The following SNUPN variants were observed in gnomAD, a reference collection of about 807,000 sequenced individuals.
SNUPN encodes snurportin-1.
In SNUPN, 31 loss-of-function variants were observed where a neutral mutation model predicts 39.2. The ratio of observed to expected loss-of-function variants is 0.79; its 90% CI spans 0.59 to 1.07. SNUPN has a LOEUF of 1.07. Ranked by LOEUF, SNUPN falls within the 50% of genes least tolerant of loss-of-function variation. The pLI, the probability that SNUPN is intolerant of heterozygous loss-of-function variation, is 0.00. For missense variants in SNUPN, 382 were observed against 434.2 expected (o/e 0.88, Z 1.07); for synonymous variants, 132 against 159.0 (o/e 0.83, Z 1.28).
intron 6 of SNUPN, among the ~76,000 whole-genome samples, chr15:75,605,880 G>GCAGT (rs2075327251): frequency 6.6e-6 from 1 of 152,158 alleles, no homozygotes; most frequent in Non-Finnish European, 1.5e-5. Context: ...CAGGCCAGGT[G>GCAGT]CAGTCGTTCA....
chr15:75,624,957 G>A, intron 1 of SNUPN: 1 of 223,628 alleles, frequency 4.5e-6, no homozygotes, highest in South Asian at 4.9e-5. Context: ...TGTATTTTTA[G>A]TACAGATGGG....
chr15:75,619,381 T>C (rs1217829732), intron 2 of SNUPN, among the ~76,000 whole-genome samples: 5 of 151,846 alleles, frequency 3.3e-5, no homozygotes, highest in African/African-American at 1.2e-4. Context: ...GTGGCTGACG[T>C]CTGAAATCCC....
intron 3 of SNUPN, 113 bp from the exon 4 acceptor site, chr15:75,610,107 A>T (rs1892739416): frequency 1.2e-6 from 1 of 826,192 alleles, no homozygotes; most frequent in South Asian, 1.5e-5. Flanking sequence ...TGAAAGAATG[A>T]GGGCAGAGAG....
intron 5 of SNUPN, among the ~76,000 whole-genome samples, chr15:75,609,223 CCCAGGCCGGACTGCGGA>C: frequency 7.6e-6 from 1 of 131,514 alleles, no homozygotes; most frequent in South Asian, 2.5e-4. Context: ...CGCTCTGTCG[CCCAGGCCGGACTGCGGA>C]CTGCAGTGGT....
rs145394501 is a variant in SNUPN, at chr15:75,613,045, C to A, written c.304-3051G>T. Among the ~76,000 whole-genome samples, 1,381 of 152,072 alleles carry A rather than the reference C, an allele frequency of 9.1e-3. 21 individuals are homozygous for A. The highest frequency in any genetic ancestry group is 0.031 in the African/African-American group (1,278 of 41,480). On this transcript the variant is annotated intron_variant, in intron 3 of 8. Coordinates refer to ENST00000308588, the MANE Select transcript of SNUPN (RefSeq NM_005701.4). ...AAACAAGGAGGGCAGATCATGAGGT[C>A]AGGAGATCGAGACCATCCTGGCTAA...
intron 2 of SNUPN, among the ~76,000 whole-genome samples, chr15:75,618,337 T>A (rs1892986755): frequency 6.6e-6 from 1 of 152,144 alleles, no homozygotes. Flanking sequence ...CTTTTTTTTT[T>A]ACGGACCGTA....
intron 3 of SNUPN, among the ~76,000 whole-genome samples, chr15:75,616,088 T>G (rs181651903): frequency 4.6e-5 from 7 of 152,206 alleles, no homozygotes; most frequent in Admixed American, 2.6e-4. Context: ...TTATCTGTAC[T>G]GTATTTGGGG....
intron 3 of SNUPN, among the ~76,000 whole-genome samples, chr15:75,616,315 G>A (rs760902995): frequency 1.5e-4 from 23 of 151,870 alleles, no homozygotes; most frequent in South Asian, 2.1e-4. Context: ...AAACTTAGCC[G>A]GGTGTGGTGG....
rs1595988092 is a variant in SNUPN at position 75,617,636 on chromosome 15, G to T, written c.159-84C>A. On this transcript the variant is annotated intron_variant, in intron 2 of 8. Transcript: ENST00000308588. The stretch of plus-strand genomic sequence containing the variant: ...GGGTCTCGCTCTGTTGCCCAGGCTG[G>T]AATGGTGCAATCTCAGCTCACTGCA... 4 of 1,450,934 alleles carry T rather than the reference G, an allele frequency of 2.8e-6. No individual in the cohort carries two copies. In the East Asian group the frequency reaches 7.1e-5, roughly 26 times the overall value. 89.9% of individuals were successfully genotyped at this position (1,450,934 alleles called of 1,614,324 possible).
chr15:75,610,144 T>C, intron 3 of SNUPN, 150 bp from the exon 4 acceptor site: 1 of 652,044 alleles, frequency 1.5e-6, no homozygotes, highest in Admixed American at 2.3e-5. Context: ...ATGCTTGTAA[T>C]CCCAGCACTT....
At chr15:75,604,156 AC>A (rs1351800588) in intron 7 of SNUPN, among the ~76,000 whole-genome samples, 3 of 118,788 alleles carry the variant, frequency 2.5e-5, no homozygotes, top group Non-Finnish European at 5.2e-5. Context: ...ATTCCCTTTA[AC>A]TTTTTTTTTT....
At chr15:75,621,860 AC>A (rs1484876137) in intron 1 of SNUPN, among the ~76,000 whole-genome samples, 19 of 151,736 alleles carry the variant, frequency 1.3e-4, no homozygotes, top group Non-Finnish European at 1.3e-4. Flanking sequence ...ACATGGTGAA[AC>A]CCCGTCTCTA....
At chr15:75,625,927 G>C (rs920861793), upstream of SNUPN, 1 of 152,194 alleles carries the variant, frequency 6.6e-6, no homozygotes, top group African/African-American at 2.4e-5. Context: ...GCTTTGCACT[G>C]TCCGGGACTC....
At chr15:75,604,946 C>G (rs561724205) in intron 7 of SNUPN, among the ~76,000 whole-genome samples, 110 of 152,160 alleles carry the variant, frequency 7.2e-4, no homozygotes, top group African/African-American at 2.5e-3. Context: ...AGCTTAGCTC[C>G]CAATTATGAG....
chr15:75,616,227 G>T (rs1004754614), intron 3 of SNUPN, among the ~76,000 whole-genome samples: 1 of 151,172 alleles, frequency 6.6e-6, no homozygotes, highest in Non-Finnish European at 1.5e-5. Context: ...GAGGCCGAGG[G>T]GGGTGGATCA....
At chr15:75,605,301 T>A in intron 6 of SNUPN, 74 bp from the exon 7 acceptor site, 2 of 880,652 alleles carry the variant, frequency 2.3e-6, no homozygotes, top group Non-Finnish European at 3.5e-6. Flanking sequence ...AAACACCCCA[T>A]GCTATTTTTT....
rs76580376 is a variant in SNUPN at position 75,605,764 on chromosome 15, T to C, written c.601-537A>G. Among the ~76,000 whole-genome samples the C allele has an allele frequency of 5.5e-3, 835 of 152,364 alleles. 10 individuals carry two copies. Among genetic ancestry groups the C allele is most frequent in the African/African-American group, 0.019 (791 of 41,590 alleles). On this transcript the variant is annotated intron_variant, in intron 6 of 8. Transcript: ENST00000308588. The stretch of plus-strand genomic sequence containing the variant: ...AGCAGAATTAAAGGAAAATATGTTC[T>C]AGATTGAATTTATGTTCTGAGTTGT...
At position 75,607,271 on chromosome 15, in the gene SNUPN, G is replaced by A. The variant is rs371339152; in HGVS notation, c.545C>T (p.Thr182Ile). The part of the protein sequence containing the change: ...LDCIYNEVNQ[T>I]YYVLDVMCWR... ...GCACATCACATCCAGAACGTAGTAG[G>A]TCTGGTTTACCTCATTGTAAATGCA... The change falls in exon 6 of 9, where the codon ACC (threonine) becomes ATC (isoleucine). Residue 182 changes from threonine (T) to isoleucine (I), a missense_variant. Physicochemically the swap from Thr to Ile is moderately conservative, Grantham distance 89 (BLOSUM62 -1). Coordinates refer to ENST00000308588, the MANE Select transcript of SNUPN (RefSeq NM_005701.4). The A allele has an allele frequency of 6.2e-7, 1 of 1,613,750 alleles. No homozygotes were observed. Among genetic ancestry groups the A allele is most frequent in the Non-Finnish European group, 8.5e-7 (1 of 1,179,670 alleles).
At chr15:75,599,835 G>C (rs1012028035) in intron 8 of SNUPN, among the ~76,000 whole-genome samples, 3 of 144,402 alleles carry the variant, frequency 2.1e-5, no homozygotes, top group African/African-American at 7.4e-5. Context: ...TGACTGGGCA[G>C]ATTTTTTTTT....
Sources: gnomAD v4.1 joint callset for allele counts (sites outside exome capture counted in the v4.1 genomes callset) on GRCh38, gnomAD v4.1.1 for gene constraint, MANE v1.5 for transcripts, NCBI Gene and HGNC (gene_info 2026-07-23, HGNC 2026-07-21) for gene names.